The following FHOD1 variants were observed in gnomAD, a reference collection of about 807,000 sequenced individuals.
The protein encoded by FHOD1 is formin homology 2 domain containing 1, also known as FH1/FH2 domain-containing protein 1.
Under a neutral mutation model 111.6 loss-of-function variants are expected in FHOD1, and 89 were observed. The observed-to-expected ratio is 0.80, with a 90% confidence interval of 0.67 to 0.95. The LOEUF (loss-of-function observed/expected upper bound fraction) is 0.95, where lower values mean the gene tolerates loss of function less well. Ranked by LOEUF, FHOD1 falls within the 40% of genes least tolerant of loss-of-function variation. FHOD1 has a pLI of 0.00. For missense variants in FHOD1, 1,446 were observed against 1,554.2 expected, an observed-to-expected ratio of 0.93 and a Z score of 1.17; for synonymous variants, 618 against 639.0, an observed-to-expected ratio of 0.97 and a Z score of 0.50.
At position 67,231,531 on chromosome 16, in the gene FHOD1, A is replaced by G. The variant is rs2034271092; in HGVS notation, c.2404T>C (p.Phe802Leu). Residue 802 changes from phenylalanine to leucine, a missense_variant, in exon 16 of 22, where the codon TTT becomes CTT. Phe to Leu is a conservative substitution (Grantham distance 22). Coordinates refer to ENST00000258201, the MANE Select transcript of FHOD1 (RefSeq NM_013241.3). The surrounding 1 kb of genome is among the most constrained non-coding windows in gnomAD (Gnocchi z 4.3). Reference protein sequence around the residue: ...SMEREIAEPLFDLKVGMEQLV... With the variant: ...SMEREIAEPLLDLKVGMEQLV... ...TGTTCCATACCCACTTTCAGGTCAA[A>G]CAGTGGCTCAGCAATTTCCTGGTAT... 1.2e-6 allele frequency: 2 copies of G among 1,613,988 alleles called. No individual in the cohort carries two copies. The highest frequency in any genetic ancestry group is 1.3e-5 in the African/African-American group (1 of 74,892).
Position 67,231,142 on chromosome 16 carries a change from C to T in FHOD1, c.2667+46G>A. 6.2e-7 allele frequency: 1 copy of T among 1,604,856 alleles called. No individual in the cohort carries two copies. Among genetic ancestry groups the T allele is most frequent in the South Asian group, 1.1e-5 (1 of 90,002 alleles). On this transcript the variant is annotated intron_variant, in intron 17 of 21. Transcript: ENST00000258201. This position sits in a 1 kb window ranked among gnomAD's most constrained non-coding sequence, Gnocchi z 4.3. ...GAGGAGCCAGGCCCAGGAAGCAGCG[C>T]TCCTCATGCCTTGTCCGGCCTTGGT...
intron 17 of FHOD1, 171 bp from the exon 18 acceptor site, chr16:67,230,962 A>G (rs1342318326): frequency 1.2e-6 from 1 of 850,794 alleles, no homozygotes; most frequent in Non-Finnish European, 1.8e-6. Flanking sequence ...TGGGGAGCAG[A>G]AGGTTTACTG....
Position 67,246,805 on chromosome 16 carries a change from C to T in FHOD1, c.201+405G>A, listed in dbSNP as rs117645272. ...AGTAGTCCGCCTCGGGCCCGCCCCT[C>T]CTCGTGGTCCCGCCCCCACCTCACC... On this transcript the variant is annotated intron_variant, in intron 1 of 21. Coordinates refer to ENST00000258201, the MANE Select transcript of FHOD1 (RefSeq NM_013241.3). The T allele has an allele frequency of 8.5e-3, 1,733 of 204,358 alleles. 15 individuals carry two copies. Among genetic ancestry groups the T allele is most frequent in the Middle Eastern group, 0.017 (10 of 582 alleles). The allele number at this position is 204,358 out of a possible 1,614,324, so 12.7% of individuals were successfully genotyped here.
intron 11 of FHOD1, among the ~76,000 whole-genome samples, chr16:67,235,578 TC>T (rs1172855819): frequency 2.0e-5 from 3 of 148,300 alleles, no homozygotes; most frequent in African/African-American, 7.5e-5. Context: ...CAGTGGACCC[TC>T]AGTTTATGCT....
intron 2 of FHOD1, 122 bp downstream of exon 2, chr16:67,239,226 C>A (rs1238284110): frequency 7.2e-6 from 6 of 835,594 alleles, no homozygotes; most frequent in Non-Finnish European, 1.0e-5. Context: ...TGGCACACTT[C>A]CCTGGGGCAG....
rs1400331955 is a variant in FHOD1, at chr16:67,237,412, G to A, written c.850-30C>T. The stretch of plus-strand genomic sequence containing the variant: ...AGGGCGGGGATAAGAAGGCAAGGCT[G>A]AGGTTGGTGGGGAGGTCAGGAGCCT... On this transcript the variant is annotated intron_variant, in intron 8 of 21. Transcript: ENST00000258201. This position sits in a 1 kb window ranked among gnomAD's most constrained non-coding sequence, Gnocchi z 5.6. The A allele has an allele frequency of 6.2e-7, 1 of 1,613,630 alleles. No homozygotes were observed.
Position 67,229,612 on chromosome 16 carries a change from A to G in FHOD1, c.*24T>C, listed in dbSNP as rs2034165784. Reference sequence around the variant, plus strand: ...TCCTGCACTGCAGTCCAGGGTCCAGATAGATTTCCGGGATACAGCACCTTC... The same window carrying G: ...TCCTGCACTGCAGTCCAGGGTCCAGGTAGATTTCCGGGATACAGCACCTTC... On this transcript the variant is annotated 3_prime_UTR_variant, in exon 22 of 22. Transcript: ENST00000258201. 1.9e-6 allele frequency: 3 copies of G among 1,607,636 alleles called. No homozygotes were observed. The highest frequency in any genetic ancestry group is 1.7e-5 in the Admixed American group (1 of 60,008).
intron 1 of FHOD1, among the ~76,000 whole-genome samples, chr16:67,242,313 A>G (rs1047799011): frequency 2.0e-5 from 3 of 152,002 alleles, no homozygotes; most frequent in Non-Finnish European, 2.9e-5. Flanking sequence ...CACCTGTCCA[A>G]TCCTGCCAGG....
At position 67,231,026 on chromosome 16, in the gene FHOD1, T is replaced by G. The variant is rs1170074512; in HGVS notation, c.2667+162A>C. Reference sequence around the variant, plus strand: ...GACTGAGTAGGTGTGGCCAGGCCAATAGAGGAAAGAGCATTTCTGGCAGAG... The same window carrying G: ...GACTGAGTAGGTGTGGCCAGGCCAAGAGAGGAAAGAGCATTTCTGGCAGAG... On this transcript the variant is annotated intron_variant, in intron 17 of 21. Coordinates refer to ENST00000258201, the MANE Select transcript of FHOD1 (RefSeq NM_013241.3). The surrounding 1 kb of genome is among the most constrained non-coding windows in gnomAD (Gnocchi z 4.3). 25 of 992,950 alleles carry G rather than the reference T, an allele frequency of 2.5e-5. No individual in the cohort carries two copies. Among genetic ancestry groups the G allele is most frequent in the Non-Finnish European group, 3.5e-5 (24 of 684,132 alleles). 61.5% of individuals were successfully genotyped at this position (992,950 alleles called of 1,614,324 possible). A position where few individuals can be genotyped will look rare whatever the true frequency, so the allele number is the denominator to read the frequency against.
chr16:67,238,634 C>T lies in FHOD1; in HGVS notation c.374-187G>A. The T allele has an allele frequency of 2.9e-6, 2 of 684,396 alleles. No homozygotes were observed. The highest frequency in any genetic ancestry group is 3.5e-5 in the South Asian group (2 of 57,008). The allele number at this position is 684,396 out of a possible 1,614,324, so 42.4% of individuals were successfully genotyped here. A position where few individuals can be genotyped will look rare whatever the true frequency, so the allele number is the denominator to read the frequency against. Reference sequence around the variant, plus strand: ...TGGCACAGTCATAGCTCACTGCAACCTCAAACTCCTAGCCTCAAGCAATTC... The same window carrying T: ...TGGCACAGTCATAGCTCACTGCAACTTCAAACTCCTAGCCTCAAGCAATTC... On this transcript the variant is annotated intron_variant, in intron 3 of 21. Transcript: ENST00000258201. The surrounding 1 kb of genome is among the most constrained non-coding windows in gnomAD (Gnocchi z 4.2).
chr16:67,241,880 A>T (rs1174956529), intron 1 of FHOD1, among the ~76,000 whole-genome samples: 1 of 152,346 alleles, frequency 6.6e-6, no homozygotes, highest in East Asian at 1.9e-4. Context: ...GCCTCCTTGC[A>T]TGCTGTAATC....
intron 1 of FHOD1, among the ~76,000 whole-genome samples, chr16:67,243,895 G>A (rs1469917773): frequency 6.6e-6 from 1 of 152,192 alleles, no homozygotes; most frequent in South Asian, 2.1e-4. Flanking sequence ...CAGCCACTCT[G>A]TTCCAGAATG....
Position 67,237,365 on chromosome 16 carries a change from C to T in FHOD1, c.867G>A (p.Pro289=). The part of the protein sequence containing the change: ...TLINKTLAAL[P]DQDSFYDVTD... ...TCACATCGTAGAAGGAGTCCTGGTC[C>T]GGGAGCGCCGCCAGCGTCTGGAGGG... The change falls in exon 9 of 22, where the codon CCG becomes CCA. Residue 289 remains proline, a synonymous_variant. Coordinates refer to ENST00000258201, the MANE Select transcript of FHOD1 (RefSeq NM_013241.3). This position sits in a 1 kb window ranked among gnomAD's most constrained non-coding sequence, Gnocchi z 5.6. 3 of 1,613,900 alleles carry T rather than the reference C, an allele frequency of 1.9e-6. No homozygotes were observed. Among genetic ancestry groups the T allele is most frequent in the African/African-American group, 2.7e-5 (2 of 75,050 alleles).
chr16:67,243,681 A>G (rs371255841), intron 1 of FHOD1, among the ~76,000 whole-genome samples: 6 of 152,196 alleles, frequency 3.9e-5, no homozygotes, highest in African/African-American at 1.2e-4. Flanking sequence ...CCTAGAGGGG[A>G]AGTGGAGTGA....
chr16:67,246,359 C>T (rs2034830825), intron 1 of FHOD1, among the ~76,000 whole-genome samples: 1 of 152,152 alleles, frequency 6.6e-6, no homozygotes, highest in African/African-American at 2.4e-5. Flanking sequence ...AGTCCTGGCC[C>T]GGAAACAGCG....
chr16:67,234,037 C>G lies in FHOD1; in HGVS notation c.1666G>C (p.Asp556His). The change falls in exon 13 of 22, where the codon GAC (aspartate) becomes CAC (histidine). Residue 556 changes from aspartate to histidine, a missense_variant. Asp to His is a moderately conservative substitution (Grantham distance 81). Transcript: ENST00000258201. ...FSDLGEDEDQ[D>H]MLNVESVEAG... is the part of the protein sequence containing the mutation. ...TCCACAGACTCTACATTCAGCATGT[C>G]CTGGTCTTCATCCTCCCCTAGATCT... The G allele has an allele frequency of 6.2e-7, 1 of 1,613,822 alleles. No homozygotes were observed. The highest frequency in any genetic ancestry group is 8.5e-7 in the Non-Finnish European group (1 of 1,179,986).
At chr16:67,242,373 C>T (rs1014237524) in intron 1 of FHOD1, among the ~76,000 whole-genome samples, 1 of 152,232 alleles carries the variant, frequency 6.6e-6, no homozygotes, top group Non-Finnish European at 1.5e-5. Context: ...CCAGTGCCTT[C>T]CAGGACAGTG....
In FHOD1 at chr16:67,247,307, G is replaced by A. The variant is rs2034899770; in HGVS notation, c.104C>T (p.Pro35Leu). The change falls in exon 1 of 22, where the codon CCG becomes CTG. Residue 35 changes from proline to leucine, a missense_variant. Around this residue, in one of 3 missense-constraint regions of FHOD1, gnomAD observed 127 missense variants for 118.0 expected, o/e 1.08. Transcript: ENST00000258201. ...GCAGGTGGGGGCCCGGCGCGGCTCCGGAAAGTTGGCACATGCGAAGGGGTC... is the reference window on the plus strand; with the variant it reads ...GCAGGTGGGGGCCCGGCGCGGCTCCAGAAAGTTGGCACATGCGAAGGGGTC... ...DTDPFACANF[P>L]EPRRAPTCSL... The A allele has an allele frequency of 6.2e-7, 1 of 1,613,316 alleles. No individual in the cohort carries two copies. Among genetic ancestry groups the A allele is most frequent in the Non-Finnish European group, 8.5e-7 (1 of 1,179,808 alleles).
intron 11 of FHOD1, 155 bp from the exon 12 acceptor site, chr16:67,234,627 C>CA: frequency 1.6e-6 from 1 of 614,402 alleles, no homozygotes; most frequent in South Asian, 2.0e-5. Context: ...ACACCCCCCC[C>CA]AAGGCCAGCC....
Sources: allele counts gnomAD v4.1 joint callset (sites outside exome capture counted in the v4.1 genomes callset), GRCh38; gene constraint gnomAD v4.1.1; regional missense constraint gnomAD v4.1.1; non-coding constraint Gnocchi (gnomAD v3.1); transcripts MANE v1.5; gene names NCBI Gene and HGNC (gene_info 2026-07-23, HGNC 2026-07-21).